The following F11 variants were observed in gnomAD, a reference collection of about 807,000 sequenced individuals.
F11 encodes the protein coagulation factor XI.
F11 carries 78 observed loss-of-function variants against 76.5 expected under a neutral mutation model. The observed-to-expected ratio is 1.02, with a 90% CI of 0.85 to 1.23. The LOEUF is 1.23. Among genes scored for constraint, F11 ranks in the 50% most tolerant of loss-of-function variants. F11 has a pLI of 0.00. For missense variants in F11, 742 were observed against 771.4 expected, an observed-to-expected ratio of 0.96 and a Z score of 0.45; for synonymous variants, 278 against 276.3, an observed-to-expected ratio of 1.01 and a Z score of -0.06.
At chr4:186,280,195 T>G (rs1390218601) in intron 8 of F11, 28 bp from the exon 9 acceptor site, 4 of 1,614,042 alleles carry the variant, frequency 2.5e-6, no homozygotes, top group Admixed American at 1.7e-5. Context: ...AGGGAGGGTC[T>G]CACTCTGACA....
Position 186,279,996 on chromosome 4 carries a change from CT to C in F11, c.756-12del. ...TTTGATATGATATATTTCTACTTCC[CT>C]TTTGTTTTTGTTAGAAATCTTTGTC... is the stretch of plus-strand genomic sequence containing the variant. On this transcript the variant is annotated splice_polypyrimidine_tract_variant and intron_variant, in intron 7 of 14. Coordinates refer to ENST00000403665, the MANE Select transcript of F11 (RefSeq NM_000128.4). 1 of 1,588,506 alleles carries C rather than the reference CT, an allele frequency of 6.3e-7. No individual in the cohort carries two copies. Among genetic ancestry groups the C allele is most frequent in the East Asian group, 2.2e-5 (1 of 44,772 alleles).
At chr4:186,275,544 T>G (rs957221791) in intron 5 of F11, among the ~76,000 whole-genome samples, 1 of 152,058 alleles carries the variant, frequency 6.6e-6, no homozygotes, top group Non-Finnish European at 1.5e-5. Flanking sequence ...CATTCATTCA[T>G]GCACTCTCCT....
At chr4:186,284,763 C>T (rs1042076133) in intron 11 of F11, among the ~76,000 whole-genome samples, 2 of 152,054 alleles carry the variant, frequency 1.3e-5, no homozygotes, top group Admixed American at 6.5e-5. Context: ...GCCTGGGCAA[C>T]ATAGTGAGAC....
chr4:186,282,289 A>G (rs1740865156), intron 10 of F11: 8 of 985,256 alleles, frequency 8.1e-6, no homozygotes, highest in Non-Finnish European at 9.6e-6. Context: ...ATAGATTGAT[A>G]GCTACAGGAG....
In F11 at chr4:186,274,213, G is replaced by T; in HGVS notation, c.423G>T (p.Thr141=). 6.2e-7 allele frequency: 1 copy of T among 1,614,200 alleles called. No individual in the cohort carries two copies. The highest frequency in any genetic ancestry group is 8.5e-7 in the Non-Finnish European group (1 of 1,180,026). ...KSAQECQERC[T]DDVHCHFFTY... Reference sequence around the variant, plus strand: ...CTCAAGAATGCCAAGAAAGATGCACGGATGACGTCCACTGCCACTTTTTCA... The same window carrying T: ...CTCAAGAATGCCAAGAAAGATGCACTGATGACGTCCACTGCCACTTTTTCA... Residue 141 remains threonine, a synonymous_variant, in exon 5 of 15, where the codon ACG becomes ACT. Transcript: ENST00000403665.
chr4:186,282,610 C>T, intron 10 of F11: 1 of 985,076 alleles, frequency 1.0e-6, no homozygotes, highest in African/African-American at 1.7e-5. Context: ...AGGCCTCTCA[C>T]CTGGACCTTG....
At chr4:186,286,672 G>T in intron 13 of F11, 162 bp downstream of exon 13, 1 of 985,354 alleles carries the variant, frequency 1.0e-6, no homozygotes, top group Non-Finnish European at 1.2e-6. Context: ...AAGTGAGGCT[G>T]GTGCCTCATA....
intron 3 of F11, among the ~76,000 whole-genome samples, chr4:186,272,394 A>G (rs188805867): frequency 1.2e-3 from 178 of 152,322 alleles, no homozygotes; most frequent in African/African-American, 4.0e-3. Context: ...TCCCTCAAAT[A>G]TAATTTATAG....
intron 5 of F11, chr4:186,275,231 C>T (rs536944412): frequency 4.4e-5 from 20 of 454,418 alleles, no homozygotes; most frequent in African/African-American, 3.6e-4. Context: ...TGGCTCACAC[C>T]TGTAATCCCA....
At chr4:186,286,372 A>G (rs911999444) in intron 12 of F11, 43 bp from the exon 13 acceptor site, 1 of 1,457,354 alleles carries the variant, frequency 6.9e-7, no homozygotes, top group Non-Finnish European at 9.6e-7. Flanking sequence ...AAAAGAGGAT[A>G]TATTTTGCGT....
intron 5 of F11, chr4:186,274,932 C>T (rs1026354862): frequency 1.1e-5 from 2 of 179,420 alleles, no homozygotes; most frequent in African/African-American, 4.7e-5. Flanking sequence ...CTAATACTTG[C>T]GTTTTAACAT....
chr4:186,270,338 TA>T (rs869027914), intron 2 of F11, among the ~76,000 whole-genome samples: 1 of 152,200 alleles, frequency 6.6e-6, no homozygotes, highest in Admixed American at 6.5e-5. Context: ...AAATATTTTT[TA>T]AAAAATTGTA....
At chr4:186,274,598 A>C (rs1740232403) in intron 5 of F11, 1 of 372,252 alleles carries the variant, frequency 2.7e-6, no homozygotes, top group Non-Finnish European at 5.1e-6. Flanking sequence ...CCAGTCTAAA[A>C]AATGTTACAG....
rs904259771 is a variant in F11, at chr4:186,288,943, A to C, written c.*329A>C. Reference sequence around the variant, plus strand: ...TAACCAAGTAGTGGCAGTGGGGATCAGGCAGAAGAACTGGTAAAAGAAGCC... The same window carrying C: ...TAACCAAGTAGTGGCAGTGGGGATCCGGCAGAAGAACTGGTAAAAGAAGCC... On this transcript the variant is annotated 3_prime_UTR_variant, in exon 15 of 15. Transcript: ENST00000403665. 2.1e-5 allele frequency: 7 copies of C among 339,118 alleles called. No homozygotes were observed. Among genetic ancestry groups the C allele is most frequent in the African/African-American group, 1.3e-4 (6 of 46,840 alleles). 21.0% of individuals were successfully genotyped at this position (339,118 alleles called of 1,614,324 possible). A position where few individuals can be genotyped will look rare whatever the true frequency, so the allele number is the denominator to read the frequency against.
rs1740696694 is a variant in F11, at chr4:186,280,241, T to C, written c.884T>C (p.Phe295Ser). Residue 295 changes from phenylalanine (F) to serine (S), a missense_variant, in exon 9 of 15, where the codon TTT becomes TCT. Coordinates refer to ENST00000403665, the MANE Select transcript of F11 (RefSeq NM_000128.4). ...TGTCTAGTGTTCTGCCATTCTTCAT[T>C]TTACCATGACACTGATTTCTTGGGA... ...HSIPVFCHSS[F>S]YHDTDFLGEE... The C allele has an allele frequency of 6.2e-7, 1 of 1,614,028 alleles. No individual in the cohort carries two copies. Among genetic ancestry groups the C allele is most frequent in the Admixed American group, 1.7e-5 (1 of 59,996 alleles).
intron 12 of F11, chr4:186,286,061 T>A: frequency 1.7e-6 from 1 of 573,630 alleles, no homozygotes; most frequent in Non-Finnish European, 3.1e-6. Context: ...TAGAATGACA[T>A]AATTTCATAA....
rs113290967 is a variant in F11 at position 186,276,259 on chromosome 4, G to A, written c.624G>A (p.Thr208=). Residue 208 remains threonine (T), a synonymous_variant, in exon 7 of 15, where the codon ACG becomes ACA. Coordinates refer to ENST00000403665, the MANE Select transcript of F11 (RefSeq NM_000128.4). The part of the protein sequence containing the change: ...LACIRDIFPN[T]VFADSNIDSV... ...GTATTAGGGACATTTTCCCTAATAC[G>A]GTGTTTGCAGACAGCAACATCGACA... The A allele has an allele frequency of 4.3e-6, 7 of 1,614,046 alleles. No individual in the cohort carries two copies. Among genetic ancestry groups the A allele is most frequent in the Admixed American group, 3.3e-5 (2 of 60,000 alleles).
At chr4:186,267,466 A>G (rs1739591239) in intron 2 of F11, among the ~76,000 whole-genome samples, 2 of 152,240 alleles carry the variant, frequency 1.3e-5, no homozygotes, top group African/African-American at 4.8e-5. Flanking sequence ...GCAATATTAA[A>G]AAGAAGAAAT....
At chr4:186,279,706 T>C (rs1208916426) in intron 7 of F11, among the ~76,000 whole-genome samples, 1 of 152,066 alleles carries the variant, frequency 6.6e-6, no homozygotes, top group Admixed American at 6.6e-5. Flanking sequence ...ATCTTTAAGA[T>C]AGGCTGGGAG....
Sources: gnomAD v4.1 joint callset for allele counts (sites outside exome capture counted in the v4.1 genomes callset) on GRCh38, gnomAD v4.1.1 for gene constraint, MANE v1.5 for transcripts, NCBI Gene and HGNC (gene_info 2026-07-23, HGNC 2026-07-21) for gene names.